The following INTS2 variants were observed in gnomAD, a reference collection of about 807,000 sequenced individuals.
INTS2 encodes integrator complex subunit 2.
In INTS2, 57 loss-of-function variants were observed where a neutral mutation model predicts 139.6. The ratio of observed to expected loss-of-function variants is 0.41; its 90% CI spans 0.33 to 0.51. The LOEUF is 0.51. INTS2 is among the 20% of genes least tolerant of loss of function. The pLI, the probability that INTS2 is intolerant of heterozygous loss-of-function variation, is 0.28. For synonymous variants in INTS2, 473 were observed against 493.4 expected (o/e 0.96, Z 0.55); for missense variants, 1,196 against 1,436.7 (o/e 0.83, Z 2.71).
intron 9 of INTS2, among the ~76,000 whole-genome samples, chr17:61,901,257 G>A (rs2079401796): frequency 6.6e-6 from 1 of 151,550 alleles, no homozygotes; most frequent in Non-Finnish European, 1.5e-5. Flanking sequence ...AACAGAGAGA[G>A]CCCCCATCTC....
intron 5 of INTS2, among the ~76,000 whole-genome samples, chr17:61,914,442 A>G (rs867723723): frequency 1.9e-4 from 29 of 152,168 alleles, no homozygotes; most frequent in African/African-American, 4.8e-4. Context: ...GCTCACGCCT[A>G]TAATCCCAGC....
chr17:61,912,881 G>C (rs575393495), intron 5 of INTS2, among the ~76,000 whole-genome samples: 28 of 152,042 alleles, frequency 1.8e-4, no homozygotes, highest in Non-Finnish European at 3.2e-4. Context: ...CTCGAGACCA[G>C]CCTGGCCAAT....
At position 61,871,927 on chromosome 17, in the gene INTS2, C is replaced by T. The variant is rs2079091953; in HGVS notation, c.2778+338G>A. The T allele has an allele frequency of 6.2e-6, 1 of 161,568 alleles. No homozygotes were observed. The highest frequency in any genetic ancestry group is 6.3e-5 in the Admixed American group (1 of 15,802). The allele number at this position is 161,568 out of a possible 1,614,324, so 10.0% of individuals were successfully genotyped here. A position where few individuals can be genotyped will look rare whatever the true frequency, so the allele number is the denominator to read the frequency against. On this transcript the variant is annotated intron_variant, in intron 20 of 24. Transcript: ENST00000251334. The surrounding 1 kb of genome is among the most constrained non-coding windows in gnomAD (Gnocchi z 4.9). ...CCAGCCTGGGTGACAGGGCGAAACT[C>T]TGTCTCAAAAAACAAAAAAAACAAA...
chr17:61,922,393 G>A (rs545380828), intron 3 of INTS2, among the ~76,000 whole-genome samples: 25 of 147,702 alleles, frequency 1.7e-4, no homozygotes, highest in Non-Finnish European at 2.9e-4. Context: ...GCTTGAACCC[G>A]GGAGGTGGAG....
chr17:61,873,737 G>C lies in INTS2; in HGVS notation c.2582+1176C>G, dbSNP rs992985251. On this transcript the variant is annotated intron_variant, in intron 19 of 24. Transcript: ENST00000251334. This position sits in a 1 kb window ranked among gnomAD's most constrained non-coding sequence, Gnocchi z 4.0. ...TGTCACTTCGAGAATGTCATCCCTT[G>C]GTTGATGACAGACAAGTTTAAATAT... Among the ~76,000 whole-genome samples, 1 of 152,036 alleles carries C rather than the reference G, an allele frequency of 6.6e-6. No individual in the cohort carries two copies. Among genetic ancestry groups the C allele is most frequent in the Admixed American group, 6.6e-5 (1 of 15,254 alleles).
At chr17:61,886,510 G>A (rs2079230313) in intron 15 of INTS2, among the ~76,000 whole-genome samples, 1 of 152,006 alleles carries the variant, frequency 6.6e-6, no homozygotes, top group Admixed American at 6.6e-5. Flanking sequence ...TATCTTCTAT[G>A]GCCCACTTTC....
chr17:61,925,613 C>G (rs1306952988), intron 2 of INTS2, among the ~76,000 whole-genome samples: 2 of 151,618 alleles, frequency 1.3e-5, no homozygotes, highest in African/African-American at 4.9e-5. Flanking sequence ...AATAAATACT[C>G]TACCACAACT....
chr17:61,927,611 G>A, intron 1 of INTS2, 43 bp downstream of exon 1: 2 of 1,293,556 alleles, frequency 1.5e-6, no homozygotes, highest in Non-Finnish European at 2.0e-6. Flanking sequence ...CTCCGACACG[G>A]ACCTAGGAAC....
chr17:61,867,086 A>G lies in INTS2; in HGVS notation c.*471T>C, dbSNP rs1438824586. ...CTTTGAGATTTCTACTTGTGTTTTTAACTCCTATTATTTCCTTAATTCTCC... is the reference window on the plus strand; with the variant it reads ...CTTTGAGATTTCTACTTGTGTTTTTGACTCCTATTATTTCCTTAATTCTCC... On this transcript the variant is annotated 3_prime_UTR_variant, in exon 25 of 25. Coordinates refer to ENST00000251334, the MANE Select transcript of INTS2 (RefSeq NM_001351695.2). The surrounding 1 kb of genome is among the most constrained non-coding windows in gnomAD (Gnocchi z 5.6). 1 of 152,154 alleles carries G rather than the reference A, an allele frequency of 6.6e-6. No homozygotes were observed. The highest frequency in any genetic ancestry group is 1.5e-5 in the Non-Finnish European group (1 of 68,042). 9.4% of individuals were successfully genotyped at this position (152,154 alleles called of 1,614,324 possible).
chr17:61,924,835 A>T (rs2079692104), intron 3 of INTS2, 126 bp downstream of exon 3: 3 of 950,372 alleles, frequency 3.2e-6, no homozygotes, highest in Non-Finnish European at 3.1e-6. Context: ...GTCTCCAAAA[A>T]AAAAGAACAA....
intron 19 of INTS2, among the ~76,000 whole-genome samples, chr17:61,874,548 A>G: frequency 6.6e-6 from 1 of 152,222 alleles, no homozygotes; most frequent in Non-Finnish European, 1.5e-5. Context: ...AAAAGATCAC[A>G]GTTTTAACGC....
chr17:61,904,528 A>G lies in INTS2; in HGVS notation c.1239T>C (p.Ala413=). 3.7e-6 allele frequency: 6 copies of G among 1,612,512 alleles called. No individual in the cohort carries two copies. Among genetic ancestry groups the G allele is most frequent in the Non-Finnish European group, 5.1e-6 (6 of 1,178,938 alleles). Residue 413 remains alanine (A), a synonymous_variant, in exon 9 of 25, where the codon GCT becomes GCC. Coordinates refer to ENST00000251334, the MANE Select transcript of INTS2 (RefSeq NM_001351695.2). ...LLQLMTSRPP[A]TPAGVRFVSL... is the part of the protein sequence containing the mutation. ...AAACAAAGCGAACCCCAGCTGGCGTAGCAGGAGGACGGCTCGTCATCAACT... is the reference window on the plus strand; with the variant it reads ...AAACAAAGCGAACCCCAGCTGGCGTGGCAGGAGGACGGCTCGTCATCAACT...
intron 5 of INTS2, among the ~76,000 whole-genome samples, chr17:61,915,116 T>A (rs1428685274): frequency 1.3e-5 from 2 of 149,956 alleles, no homozygotes. Flanking sequence ...AGGCAGGCGA[T>A]TCACAAGGTC....
Position 61,897,418 on chromosome 17 carries a change from C to T in INTS2, c.1494+51G>A, listed in dbSNP as rs1013131059. ...ATCTATTTACACTACAACAAAATGT[C>T]CAGCTTAGAAACACCTTTTTTTTTT... is the stretch of plus-strand genomic sequence containing the variant. On this transcript the variant is annotated intron_variant, in intron 11 of 24. Transcript: ENST00000251334. The surrounding 1 kb of genome is among the most constrained non-coding windows in gnomAD (Gnocchi z 4.4). 20 of 1,069,196 alleles carry T rather than the reference C, an allele frequency of 1.9e-5. No homozygotes were observed. The highest frequency in any genetic ancestry group is 2.4e-5 in the Non-Finnish European group (18 of 737,626). 66.2% of individuals were successfully genotyped at this position (1,069,196 alleles called of 1,614,324 possible).
chr17:61,912,863 G>A (rs1427582182), intron 5 of INTS2, among the ~76,000 whole-genome samples: 4 of 151,900 alleles, frequency 2.6e-5, no homozygotes, highest in Non-Finnish European at 4.4e-5. Context: ...GGATCACTAG[G>A]TTAAGAGCTC....
intron 7 of INTS2, among the ~76,000 whole-genome samples, chr17:61,907,926 A>G (rs1326023935): frequency 6.6e-6 from 1 of 152,228 alleles, no homozygotes; most frequent in Admixed American, 6.5e-5. Context: ...AAAGACTAAC[A>G]AAGTGATATG....
rs903279791 is a variant in INTS2 at position 61,870,416 on chromosome 17, T to G, written c.2779-428A>C. On this transcript the variant is annotated intron_variant, in intron 20 of 24. Coordinates refer to ENST00000251334, the MANE Select transcript of INTS2 (RefSeq NM_001351695.2). The surrounding 1 kb of genome is among the most constrained non-coding windows in gnomAD (Gnocchi z 4.4). ...TCTTAATCTCCTACTTTTCCCAGTA[T>G]GCTATCCTGATTTCCCTTTTTTTCA... is the stretch of plus-strand genomic sequence containing the variant. 1.6e-4 allele frequency among the ~76,000 whole-genome samples: 25 copies of G among 152,182 alleles called. No homozygotes were observed. The highest frequency in any genetic ancestry group is 6.0e-4 in the African/African-American group (25 of 41,434).
intron 7 of INTS2, chr17:61,911,089 G>GTT (rs1052362117): frequency 1.1e-5 from 2 of 183,928 alleles, no homozygotes; most frequent in Non-Finnish European, 2.2e-5. Flanking sequence ...TTTGGTTTTG[G>GTT]TTTTTTTTTA....
chr17:61,912,441 G>A lies in INTS2; in HGVS notation c.650-371C>T, dbSNP rs2079537125. ...AGTTCGAGACTAGCCTGGCCAACAT[G>A]GTGAAACCCCATCTCTACTAAAAAT... On this transcript the variant is annotated intron_variant, in intron 5 of 24. Coordinates refer to ENST00000251334, the MANE Select transcript of INTS2 (RefSeq NM_001351695.2). 1.3e-5 allele frequency among the ~76,000 whole-genome samples: 2 copies of A among 150,044 alleles called. 1 individual carries two copies. The highest frequency in any genetic ancestry group is 1.3e-4 in the Admixed American group (2 of 14,992).
Sources: allele counts gnomAD v4.1 joint callset (sites outside exome capture counted in the v4.1 genomes callset), GRCh38; gene constraint gnomAD v4.1.1; non-coding constraint Gnocchi (gnomAD v3.1); transcripts MANE v1.5; gene names NCBI Gene and HGNC (gene_info 2026-07-23, HGNC 2026-07-21).